The following RBFOX3 variants were observed in gnomAD, a reference collection of about 807,000 sequenced individuals.
RBFOX3 encodes the protein RNA binding fox-1 homolog 3, also known as RNA binding protein fox-1 homolog 3.
Under a neutral mutation model 48.7 loss-of-function variants are expected in RBFOX3, and 17 were observed. That is an observed-to-expected ratio of 0.35 (90% CI 0.24 to 0.52). The LOEUF (loss-of-function observed/expected upper bound fraction) is 0.52, where lower values mean the gene tolerates loss of function less well. Among genes scored for constraint, RBFOX3 ranks in the 20% least tolerant of loss-of-function variants. The probability of loss-of-function intolerance (pLI) is 0.94; values close to 1 mark genes in which losing one functional copy is unlikely to be tolerated. For synonymous variants in RBFOX3, 212 were observed against 209.5 expected, an observed-to-expected ratio of 1.01 and a Z score of -0.10; for missense variants, 382 against 497.5, an observed-to-expected ratio of 0.77 and a Z score of 2.21.
intron 1 of RBFOX3, among the ~76,000 whole-genome samples, chr17:79,560,776 A>T (rs1291005360): frequency 6.6e-6 from 1 of 152,216 alleles, no homozygotes; most frequent in Non-Finnish European, 1.5e-5. Flanking sequence ...CGAGAGCTGC[A>T]GCTGCAGGTG....
intron 4 of RBFOX3, among the ~76,000 whole-genome samples, chr17:79,148,246 C>T (rs925416007): frequency 6.6e-6 from 1 of 152,234 alleles, no homozygotes; most frequent in African/African-American, 2.4e-5. Flanking sequence ...CGTTTCCCAC[C>T]CACAGTCCCT....
chr17:79,103,285 C>T lies in RBFOX3; in HGVS notation c.415-31G>A, dbSNP rs139096456. The T allele has an allele frequency of 7.7e-5, 113 of 1,463,780 alleles. No individual in the cohort carries two copies. Among genetic ancestry groups the T allele is most frequent in the African/African-American group, 9.9e-5 (7 of 70,556 alleles). The allele number at this position is 1,463,780 out of a possible 1,614,324, so 90.7% of individuals were successfully genotyped here. ...AGCAGAGGAGAGGGAAGGACAGGCA[C>T]GGAGAGGAGGACACAGGGCGAGAAA... On this transcript the variant is annotated intron_variant, in intron 7 of 14. Transcript: ENST00000693108. The surrounding 1 kb of genome is among the most constrained non-coding windows in gnomAD (Gnocchi z 6.1).
chr17:79,381,811 G>T (rs1449222661), intron 2 of RBFOX3, among the ~76,000 whole-genome samples: 2 of 152,116 alleles, frequency 1.3e-5, no homozygotes, highest in Admixed American at 1.3e-4. Flanking sequence ...TCCAAATGTT[G>T]CAGCTCCCTC....
chr17:79,200,843 C>T (rs1239978176), intron 4 of RBFOX3, among the ~76,000 whole-genome samples: 2 of 152,084 alleles, frequency 1.3e-5, no homozygotes, highest in African/African-American at 4.8e-5. Context: ...CTCCTTAGGC[C>T]ATATCTGGGA....
intron 1 of RBFOX3, among the ~76,000 whole-genome samples, chr17:79,536,926 A>T (rs1211562469): frequency 2.6e-5 from 4 of 152,124 alleles, no homozygotes; most frequent in African/African-American, 9.7e-5. Context: ...TCTACTAAAA[A>T]TACAAAAAAT....
chr17:79,406,125 T>C (rs779481504), intron 2 of RBFOX3, among the ~76,000 whole-genome samples: 1 of 152,248 alleles, frequency 6.6e-6, no homozygotes, highest in African/African-American at 2.4e-5. Flanking sequence ...TTCTGGGCTC[T>C]TGTGAACAGA....
intron 4 of RBFOX3, among the ~76,000 whole-genome samples, chr17:79,187,030 C>T (rs925302322): frequency 6.6e-5 from 10 of 152,364 alleles, no homozygotes; most frequent in Middle Eastern, 3.4e-3. Flanking sequence ...CAGTGTGTAC[C>T]TCTGTGAAAT....
At position 79,366,918 on chromosome 17, in the gene RBFOX3, G is replaced by C. The variant is rs1270406259; in HGVS notation, c.-174-59094C>G. Among the ~76,000 whole-genome samples the C allele has an allele frequency of 2.0e-5, 3 of 152,208 alleles. No individual in the cohort carries two copies. In the East Asian group the frequency reaches 5.8e-4, roughly 29 times the overall value. ...TCCCAGAGTACTGTCCTCAGAGAGAGCCACCTCGCCCAAGGGCCCTGGGGA... is the reference window on the plus strand; with the variant it reads ...TCCCAGAGTACTGTCCTCAGAGAGACCCACCTCGCCCAAGGGCCCTGGGGA... On this transcript the variant is annotated intron_variant, in intron 2 of 14. Transcript: ENST00000693108.
At chr17:79,350,337 A>T (rs2083674630) in intron 2 of RBFOX3, among the ~76,000 whole-genome samples, 1 of 152,182 alleles carries the variant, frequency 6.6e-6, no homozygotes, top group African/African-American at 2.4e-5. Flanking sequence ...GGTCAGTGTA[A>T]CTGATTCTTG....
intron 4 of RBFOX3, among the ~76,000 whole-genome samples, chr17:79,208,184 C>T (rs1312007995): frequency 6.6e-6 from 1 of 152,178 alleles, no homozygotes; most frequent in Non-Finnish European, 1.5e-5. Context: ...ATGCTGCTGG[C>T]AGTGCGGGTC....
chr17:79,455,103 C>T (rs1433957404), intron 2 of RBFOX3, among the ~76,000 whole-genome samples: 5 of 151,632 alleles, frequency 3.3e-5, no homozygotes, highest in South Asian at 2.1e-4. Context: ...TCCCCCTCCA[C>T]GGGGTGTGCA....
chr17:79,218,327 A>G (rs1057403354), intron 4 of RBFOX3, among the ~76,000 whole-genome samples: 1 of 151,952 alleles, frequency 6.6e-6, no homozygotes, highest in Non-Finnish European at 1.5e-5. Context: ...GGATCCTCCT[A>G]TGGGGGCCTG....
At chr17:79,378,819 C>T (rs1479846749) in intron 2 of RBFOX3, among the ~76,000 whole-genome samples, 1 of 152,214 alleles carries the variant, frequency 6.6e-6, no homozygotes, top group Non-Finnish European at 1.5e-5. Context: ...GGAACCCTTT[C>T]CCCACTGAAA....
At chr17:79,399,722 C>G (rs10445219) in intron 2 of RBFOX3, among the ~76,000 whole-genome samples, 30,700 of 152,196 alleles carry the variant, frequency 0.2, 3,320 homozygotes, top group African/African-American at 0.28. Context: ...GTTCTCATCA[C>G]CTTTTCCTGC....
At position 79,581,043 on chromosome 17, in the gene RBFOX3, C is replaced by G. The variant is rs950958082; in HGVS notation, c.-320+29783G>C. On this transcript the variant is annotated intron_variant, in intron 1 of 14. Transcript: ENST00000693108. ...CAGGCAGATCACGAGGTCAGGAGATCGAGACCTTCCTGGCTAACATGGTGA... is the reference window on the plus strand; with the variant it reads ...CAGGCAGATCACGAGGTCAGGAGATGGAGACCTTCCTGGCTAACATGGTGA... Among the ~76,000 whole-genome samples the G allele has an allele frequency of 2.7e-3, 413 of 152,204 alleles. 1 individual carries two copies. The highest frequency in any genetic ancestry group is 9.1e-3 in the African/African-American group (379 of 41,528).
intron 3 of RBFOX3, among the ~76,000 whole-genome samples, chr17:79,253,407 C>T (rs576815381): frequency 4.6e-5 from 7 of 152,198 alleles, no homozygotes; most frequent in Non-Finnish European, 1.0e-4. Flanking sequence ...CTATTTATAT[C>T]CAGTATATAC....
At position 79,473,165 on chromosome 17, in the gene RBFOX3, A is replaced by C. The variant is rs1179892666; in HGVS notation, c.-175+9289T>G. On this transcript the variant is annotated intron_variant, in intron 2 of 14. Transcript: ENST00000693108. The surrounding 1 kb of genome is among the most constrained non-coding windows in gnomAD (Gnocchi z 4.2). ...CTCCTTCAAATGACTAAAAGATTCT[A>C]AATGCTTAATTTCAGCTTCTGTACT... 1.3e-5 allele frequency among the ~76,000 whole-genome samples: 2 copies of C among 152,258 alleles called. No individual in the cohort carries two copies. Among genetic ancestry groups the C allele is most frequent in the Non-Finnish European group, 2.9e-5 (2 of 68,052 alleles).
intron 1 of RBFOX3, among the ~76,000 whole-genome samples, chr17:79,565,763 G>C (rs1315747842): frequency 6.6e-6 from 1 of 152,098 alleles, no homozygotes; most frequent in Non-Finnish European, 1.5e-5. Context: ...TCTGAGAAAG[G>C]GTAGAGCAGG....
chr17:79,489,603 A>G (rs1353630493), intron 1 of RBFOX3, among the ~76,000 whole-genome samples: 2 of 152,076 alleles, frequency 1.3e-5, no homozygotes, highest in African/African-American at 4.8e-5. Context: ...TCCAACATTC[A>G]TTTTTTTAAA....
Sources: allele counts gnomAD v4.1 joint callset (sites outside exome capture counted in the v4.1 genomes callset), GRCh38; gene constraint gnomAD v4.1.1; non-coding constraint Gnocchi (gnomAD v3.1); transcripts MANE v1.5; gene names NCBI Gene and HGNC (gene_info 2026-07-23, HGNC 2026-07-21).